The following KATNBL1 variants were observed in gnomAD, a reference collection of about 807,000 sequenced individuals.
KATNBL1 encodes the protein KATNB1-like protein 1.
Under a neutral mutation model 44.7 loss-of-function variants are expected in KATNBL1, and 28 were observed. That is an observed-to-expected ratio of 0.63 (90% CI 0.46 to 0.86). The LOEUF (loss-of-function observed/expected upper bound fraction) is 0.86, where lower values mean the gene tolerates loss of function less well. Among genes scored for constraint, KATNBL1 ranks in the 40% least tolerant of loss-of-function variants. The pLI, the probability that KATNBL1 is intolerant of heterozygous loss-of-function variation, is 0.00. For synonymous variants in KATNBL1, 78 were observed against 114.9 expected, an observed-to-expected ratio of 0.68 and a Z score of 2.06; for missense variants, 272 against 350.7, an observed-to-expected ratio of 0.78 and a Z score of 1.79.
chr15:34,147,371 T>C lies in KATNBL1; in HGVS notation c.608+9A>G, dbSNP rs967026502. The stretch of plus-strand genomic sequence containing the variant: ...ATCTTATTTTTTTTCTGAAAAATAT[T>C]GTTTTTACCAATTGGTGAGCACAGG... On this transcript the variant is annotated intron_variant, in intron 6 of 9. Transcript: ENST00000256544. The C allele has an allele frequency of 1.9e-6, 3 of 1,611,192 alleles. No individual in the cohort carries two copies. Among genetic ancestry groups the C allele is most frequent in the African/African-American group, 1.3e-5 (1 of 74,874 alleles).
In KATNBL1 at chr15:34,162,281, G is replaced by T. The variant is rs113474814; in HGVS notation, c.117+1279C>A. On this transcript the variant is annotated intron_variant, in intron 2 of 9. Coordinates refer to ENST00000256544, the MANE Select transcript of KATNBL1 (RefSeq NM_024713.3). ...GGGCGGTTTCCCCAATACTGTTTTT[G>T]TGGTAGTGAATAAGTCTCACGAGAT... Among the ~76,000 whole-genome samples the T allele has an allele frequency of 5.8e-4, 88 of 152,252 alleles. 1 individual carries two copies. The East Asian group carries it at 0.015, about 26-fold the overall frequency.
chr15:34,154,297 G>A (rs1435617665), intron 3 of KATNBL1, among the ~76,000 whole-genome samples: 2 of 152,174 alleles, frequency 1.3e-5, no homozygotes, highest in Admixed American at 6.5e-5. Flanking sequence ...AAAACCAGTC[G>A]TTTTGTAGAA....
At chr15:34,182,118 G>A (rs1889585651) in intron 1 of KATNBL1, among the ~76,000 whole-genome samples, 1 of 151,870 alleles carries the variant, frequency 6.6e-6, no homozygotes, top group African/African-American at 2.4e-5. Context: ...CTGGAACCCA[G>A]GTGTTCTGTA....
chr15:34,151,233 A>G (rs1597427056), intron 4 of KATNBL1, among the ~76,000 whole-genome samples: 1 of 152,092 alleles, frequency 6.6e-6, no homozygotes, highest in South Asian at 2.1e-4. Context: ...TTTTTCCACA[A>G]CCTTGCCAGA....
At chr15:34,185,870 T>G (rs1341499063) in intron 1 of KATNBL1, among the ~76,000 whole-genome samples, 1 of 152,124 alleles carries the variant, frequency 6.6e-6, no homozygotes, top group African/African-American at 2.4e-5. Flanking sequence ...TCATGACAGA[T>G]AAGGGGTCTG....
At chr15:34,169,097 A>G (rs945025167) in intron 1 of KATNBL1, among the ~76,000 whole-genome samples, 4 of 152,246 alleles carry the variant, frequency 2.6e-5, no homozygotes, top group Admixed American at 1.3e-4. Flanking sequence ...TCAGAGCAGA[A>G]CTGAAGGAGA....
At chr15:34,197,518 C>T (rs550310857) in intron 1 of KATNBL1, among the ~76,000 whole-genome samples, 26 of 152,286 alleles carry the variant, frequency 1.7e-4, no homozygotes, top group African/African-American at 5.5e-4. Context: ...AAACATGATT[C>T]GTGGTATTAG....
intron 4 of KATNBL1, among the ~76,000 whole-genome samples, chr15:34,151,387 C>T (rs892278615): frequency 6.7e-6 from 1 of 148,304 alleles, no homozygotes; most frequent in Admixed American, 6.8e-5. Flanking sequence ...ATGCTTGTCA[C>T]CTACATGTAT....
rs5811824 is a variant in KATNBL1 at position 34,195,690 on chromosome 15, C to CAAAAAAAAAAAAAAAA, written c.-15+14260_-15+14261insTTTTTTTTTTTTTTTT. Among the ~76,000 whole-genome samples, 185 of 111,346 alleles carry CAAAAAAAAAAAAAAAA rather than the reference C, an allele frequency of 1.7e-3. 3 individuals carry two copies. Among genetic ancestry groups the CAAAAAAAAAAAAAAAA allele is most frequent in the African/African-American group, 6.6e-3 (181 of 27,270 alleles). The allele number at this position is 111,346 out of a possible 152,430, so 73.0% of individuals were successfully genotyped here. ...TGGGCAACAGAGAGAGACGCCATCT[C>CAAAAAAAAAAAAAAAA]AAAAAAAAAAAAAACCCAAAAAACA... On this transcript the variant is annotated intron_variant, in intron 1 of 9. Coordinates refer to ENST00000256544, the MANE Select transcript of KATNBL1 (RefSeq NM_024713.3).
At chr15:34,194,275 ATAT>A (rs1889972564) in intron 1 of KATNBL1, among the ~76,000 whole-genome samples, 2 of 152,078 alleles carry the variant, frequency 1.3e-5, no homozygotes, top group African/African-American at 4.8e-5. Flanking sequence ...TTTGTCATTA[ATAT>A]TATATTTTCC....
intron 1 of KATNBL1, among the ~76,000 whole-genome samples, chr15:34,170,663 C>A (rs1597443225): frequency 1.3e-5 from 2 of 152,298 alleles, no homozygotes; most frequent in East Asian, 3.9e-4. Context: ...AAGCTGGAGG[C>A]ATCATGCTAC....
intron 2 of KATNBL1, among the ~76,000 whole-genome samples, chr15:34,163,114 G>A (rs1158335523): frequency 6.7e-6 from 1 of 149,132 alleles, no homozygotes; most frequent in Admixed American, 6.7e-5. Context: ...CGCGATCTCA[G>A]CTCACTGCAA....
intron 1 of KATNBL1, among the ~76,000 whole-genome samples, chr15:34,182,957 A>G (rs1335773881): frequency 6.6e-6 from 1 of 152,074 alleles, no homozygotes; most frequent in East Asian, 1.9e-4. Flanking sequence ...GGATACCTCA[A>G]TAATCTGACT....
chr15:34,205,113 C>T (rs1890261263), intron 1 of KATNBL1, among the ~76,000 whole-genome samples: 1 of 152,044 alleles, frequency 6.6e-6, no homozygotes, highest in Non-Finnish European at 1.5e-5. Flanking sequence ...CCTGCCTCAG[C>T]CTCCTGAGTA....
chr15:34,184,193 C>T (rs909412250), intron 1 of KATNBL1, among the ~76,000 whole-genome samples: 2 of 151,976 alleles, frequency 1.3e-5, no homozygotes, highest in East Asian at 3.9e-4. Context: ...GTAGTCCCAG[C>T]TACTCGGGAG....
intron 1 of KATNBL1, among the ~76,000 whole-genome samples, chr15:34,183,621 T>C (rs976144851): frequency 6.6e-6 from 1 of 152,106 alleles, no homozygotes; most frequent in Non-Finnish European, 1.5e-5. Context: ...GACAATAAAA[T>C]ACGATTATTT....
chr15:34,152,838 A>C lies in KATNBL1; in HGVS notation c.390T>G (p.Ser130=), dbSNP rs538072060. The C allele has an allele frequency of 6.2e-7, 1 of 1,613,780 alleles. No homozygotes were observed. Among genetic ancestry groups the C allele is most frequent in the South Asian group, 1.1e-5 (1 of 91,010 alleles). ...TYLVNSSDSG[S]SQTESPSSKY... is the part of the protein sequence containing the mutation. Reference sequence around the variant, plus strand: ...TTGATGATGGGCTTTCTGTCTGTGAAGAACCAGAATCACTGGAGTTAACCA... The same window carrying C: ...TTGATGATGGGCTTTCTGTCTGTGACGAACCAGAATCACTGGAGTTAACCA... The change falls in exon 4 of 10, where the codon TCT becomes TCG. Residue 130 remains serine (S), a synonymous_variant. Transcript: ENST00000256544.
chr15:34,209,002 A>G (rs1426553946), intron 1 of KATNBL1: 3 of 152,218 alleles, frequency 2.0e-5, no homozygotes, highest in African/African-American at 7.2e-5. Context: ...AACAGTATAT[A>G]TCCCAAAGTA....
chr15:34,207,158 G>C (rs575537503), intron 1 of KATNBL1, among the ~76,000 whole-genome samples: 8 of 151,662 alleles, frequency 5.3e-5, no homozygotes, highest in African/African-American at 1.9e-4. Context: ...TCTCACCTCA[G>C]CCTCCCAAGC....
Sources: gnomAD v4.1 joint callset for allele counts (sites outside exome capture counted in the v4.1 genomes callset) on GRCh38, gnomAD v4.1.1 for gene constraint, MANE v1.5 for transcripts, NCBI Gene and HGNC (gene_info 2026-07-23, HGNC 2026-07-21) for gene names.